Variants in CNTNAP2 observed in about 807,000 individuals in gnomAD.
CNTNAP2 encodes the protein contactin associated protein 2, also known as contactin-associated protein-like 2.
CNTNAP2 carries 98 observed loss-of-function variants against 155.2 expected under a neutral mutation model. That is an observed-to-expected ratio of 0.63 (90% CI 0.54 to 0.75). The LOEUF (loss-of-function observed/expected upper bound fraction) is 0.75, where lower values mean the gene tolerates loss of function less well. Ranked by LOEUF, CNTNAP2 falls within the 30% of genes least tolerant of loss-of-function variation. The pLI is 0.00. For missense variants in CNTNAP2, 1,727 were observed against 1,688.1 expected, an observed-to-expected ratio of 1.02 and a Z score of -0.40; for synonymous variants, 651 against 631.2, an observed-to-expected ratio of 1.03 and a Z score of -0.47.
intron 8 of CNTNAP2, among the ~76,000 whole-genome samples, chr7:147,225,964 GAAGA>G (rs1386264270): frequency 2.0e-5 from 3 of 148,948 alleles, no homozygotes; most frequent in East Asian, 2.0e-4. Context: ...AGAGAGAAAG[GAAGA>G]AAGAGAGAAA....
At chr7:148,348,061 T>C (rs1049224137) in intron 21 of CNTNAP2, among the ~76,000 whole-genome samples, 1 of 152,244 alleles carries the variant, frequency 6.6e-6, no homozygotes, top group African/African-American at 2.4e-5. Flanking sequence ...AAAGTTTGTT[T>C]GTTTTTCCAG....
intron 5 of CNTNAP2, 52 bp downstream of exon 5, chr7:147,108,402 GAAT>G (rs768293588): frequency 1.4e-6 from 2 of 1,458,430 alleles, no homozygotes; most frequent in African/African-American, 2.8e-5. Context: ...TTCCCATTAG[GAAT>G]ATGTTCATGT....
At chr7:147,087,148 C>A (rs116350034) in intron 4 of CNTNAP2, among the ~76,000 whole-genome samples, 3 of 152,142 alleles carry the variant, frequency 2.0e-5, no homozygotes, top group African/African-American at 7.2e-5. Flanking sequence ...TTCTCTGGGG[C>A]CTCAAGTTCC....
intron 13 of CNTNAP2, among the ~76,000 whole-genome samples, chr7:147,830,800 G>A (rs919085342): frequency 2.0e-5 from 3 of 152,204 alleles, no homozygotes; most frequent in Non-Finnish European, 4.4e-5. Flanking sequence ...CCTGCTGACT[G>A]CTACGTTACT....
intron 1 of CNTNAP2, among the ~76,000 whole-genome samples, chr7:146,348,078 C>T (rs1046262294): frequency 6.6e-6 from 1 of 152,102 alleles, no homozygotes; most frequent in African/African-American, 2.4e-5. Flanking sequence ...AAAACATAAA[C>T]TTACTACCAC....
intron 18 of CNTNAP2, among the ~76,000 whole-genome samples, chr7:148,193,695 T>C (rs1393235697): frequency 6.6e-6 from 1 of 152,102 alleles, no homozygotes; most frequent in Non-Finnish European, 1.5e-5. Flanking sequence ...ACACACTCCA[T>C]GGTCCAGCCC....
intron 1 of CNTNAP2, among the ~76,000 whole-genome samples, chr7:146,675,584 AGTGAATGCCAT>A (rs1197551126): frequency 6.6e-6 from 1 of 152,200 alleles, no homozygotes; most frequent in Non-Finnish European, 1.5e-5. Context: ...TGGTTGAATA[AGTGAATGCCAT>A]GTAGTACCTA....
At chr7:147,280,210 T>G (rs1805001051) in intron 8 of CNTNAP2, among the ~76,000 whole-genome samples, 2 of 151,908 alleles carry the variant, frequency 1.3e-5, no homozygotes, top group African/African-American at 4.8e-5. Context: ...AGTGACCAAT[T>G]TCTGTTTGCT....
chr7:147,471,433 GA>G, intron 10 of CNTNAP2, among the ~76,000 whole-genome samples: 1 of 152,276 alleles, frequency 6.6e-6, no homozygotes, highest in African/African-American at 2.4e-5. Context: ...GAGACACATG[GA>G]AAAATCTGAA....
At chr7:146,967,027 T>C (rs971829129) in intron 3 of CNTNAP2, among the ~76,000 whole-genome samples, 1 of 152,152 alleles carries the variant, frequency 6.6e-6, no homozygotes, top group African/African-American at 2.4e-5. Flanking sequence ...TTGATGCTGC[T>C]TGGGTGAAAG....
intron 3 of CNTNAP2, among the ~76,000 whole-genome samples, chr7:147,001,933 G>A (rs1194960046): frequency 1.3e-5 from 2 of 151,524 alleles, no homozygotes; most frequent in Non-Finnish European, 2.9e-5. Context: ...AATAGTGTTT[G>A]GAAATTAAAA....
chr7:146,537,268 A>G (rs1797883550), intron 1 of CNTNAP2, among the ~76,000 whole-genome samples: 1 of 152,128 alleles, frequency 6.6e-6, no homozygotes, highest in Non-Finnish European at 1.5e-5. Flanking sequence ...ACTGTCTATT[A>G]TTATAAATGT....
intron 1 of CNTNAP2, among the ~76,000 whole-genome samples, chr7:146,174,356 A>G (rs1426518371): frequency 2.0e-5 from 3 of 151,918 alleles, no homozygotes; most frequent in Non-Finnish European, 4.4e-5. Flanking sequence ...ATTTAAAACT[A>G]TAGGCCAGGA....
chr7:148,332,179 A>C (rs73745581), intron 21 of CNTNAP2, among the ~76,000 whole-genome samples: 13,925 of 151,468 alleles, frequency 0.092, 752 homozygotes, highest in African/African-American at 0.15. Context: ...AAAAAAAAAA[A>C]AACCTATAAA....
chr7:146,833,639 A>G lies in CNTNAP2; in HGVS notation c.209-6072A>G, dbSNP rs548019057. ...TATAATCCATATGTTTAAGTGAGTA[A>G]TCAGCTTTCTTCAGTCTCTTTTCAC... On this transcript the variant is annotated intron_variant, in intron 2 of 23. Coordinates refer to ENST00000361727, the MANE Select transcript of CNTNAP2 (RefSeq NM_014141.6). Among the ~76,000 whole-genome samples the G allele has an allele frequency of 2.6e-5, 4 of 152,256 alleles. No homozygotes were observed. In the East Asian group the frequency reaches 5.8e-4, roughly 22 times the overall value.
chr7:148,073,159 A>G (rs1803413366), intron 15 of CNTNAP2, among the ~76,000 whole-genome samples: 1 of 152,168 alleles, frequency 6.6e-6, no homozygotes, highest in Non-Finnish European at 1.5e-5. Context: ...GTTGAAAATC[A>G]CTGGTCTAAT....
chr7:147,461,837 T>G (rs1317574929), intron 10 of CNTNAP2, among the ~76,000 whole-genome samples: 1 of 152,216 alleles, frequency 6.6e-6, no homozygotes, highest in African/African-American at 2.4e-5. Context: ...AAACTAAAAT[T>G]AGGGATTGAG....
intron 13 of CNTNAP2, among the ~76,000 whole-genome samples, chr7:147,690,062 T>C (rs547008061): frequency 2.2e-3 from 330 of 152,268 alleles, no homozygotes; most frequent in Non-Finnish European, 3.2e-3. Context: ...TTCTTCCTCA[T>C]TGTCTACAGA....
At chr7:147,903,763 T>C in intron 14 of CNTNAP2, 42 bp downstream of exon 14, 1 of 1,605,414 alleles carries the variant, frequency 6.2e-7, no homozygotes, top group South Asian at 1.1e-5. Context: ...ACCCTCCCAG[T>C]GTGCCTTTGT....
Sources: allele counts gnomAD v4.1 joint callset (sites outside exome capture counted in the v4.1 genomes callset), GRCh38; gene constraint gnomAD v4.1.1; transcripts MANE v1.5; gene names NCBI Gene and HGNC (gene_info 2026-07-23, HGNC 2026-07-21).